Variants in PRKACB observed in about 807,000 individuals in gnomAD.
The protein encoded by PRKACB is cAMP-dependent protein kinase catalytic subunit beta.
PRKACB carries 16 observed loss-of-function variants against 51.4 expected under a neutral mutation model. That is an observed-to-expected ratio of 0.31 (90% CI 0.21 to 0.47). The LOEUF (loss-of-function observed/expected upper bound fraction) is 0.47. Among genes scored for constraint, PRKACB ranks in the 20% least tolerant of loss-of-function variants. The pLI is 1.00. For missense variants in PRKACB, 309 were observed against 464.5 expected (o/e 0.67, Z 3.08); for synonymous variants, 147 against 154.4 (o/e 0.95, Z 0.35).
chr1:84,102,281 G>A (rs1244705047), intron 1 of PRKACB, among the ~76,000 whole-genome samples: 2 of 152,086 alleles, frequency 1.3e-5, no homozygotes, highest in African/African-American at 4.8e-5. Context: ...CAGCTGCTTG[G>A]GAGGCTAAGG....
intron 1 of PRKACB, chr1:84,164,336 G>A: frequency 1.3e-6 from 2 of 1,546,656 alleles, no homozygotes; most frequent in Non-Finnish European, 1.7e-6. Context: ...GAGGTCCACA[G>A]CTAGCAGTAA....
chr1:84,204,929 A>G, intron 8 of PRKACB: 1 of 973,000 alleles, frequency 1.0e-6, no homozygotes, highest in Non-Finnish European at 1.2e-6. Flanking sequence ...ATGAATATAT[A>G]TTCATTTTAT....
At chr1:84,119,481 T>C (rs910247098) in intron 1 of PRKACB, among the ~76,000 whole-genome samples, 10 of 152,126 alleles carry the variant, frequency 6.6e-5, no homozygotes, top group African/African-American at 2.4e-4. Context: ...AGAATGGCAA[T>C]TACACTATTC....
chr1:84,135,494 A>C (rs1557997811), intron 1 of PRKACB, among the ~76,000 whole-genome samples: 1 of 152,162 alleles, frequency 6.6e-6, no homozygotes, highest in Non-Finnish European at 1.5e-5. Flanking sequence ...TCTTCAGCTT[A>C]TAGGAGCATT....
At chr1:84,179,473 C>T (rs1247324982) in intron 2 of PRKACB, among the ~76,000 whole-genome samples, 1 of 151,676 alleles carries the variant, frequency 6.6e-6, no homozygotes, top group East Asian at 1.9e-4. Context: ...AAATTTGATA[C>T]TGATTCCAGT....
chr1:84,175,434 C>T (rs748480508), intron 1 of PRKACB, among the ~76,000 whole-genome samples: 4 of 151,630 alleles, frequency 2.6e-5, no homozygotes, highest in Non-Finnish European at 5.9e-5. Context: ...TGACTAACAA[C>T]ATACTCTTTT....
intron 1 of PRKACB, among the ~76,000 whole-genome samples, chr1:84,123,356 A>G (rs1319554789): frequency 6.6e-6 from 1 of 152,206 alleles, no homozygotes; most frequent in African/African-American, 2.4e-5. Flanking sequence ...GGAGAGTGAT[A>G]TAGAAATGAA....
At chr1:84,148,792 G>A (rs868408556) in intron 1 of PRKACB, among the ~76,000 whole-genome samples, 11 of 152,120 alleles carry the variant, frequency 7.2e-5, no homozygotes, top group African/African-American at 2.2e-4. Flanking sequence ...AAATGATGTT[G>A]AAATCAGGAA....
chr1:84,168,928 G>A (rs539983055), intron 1 of PRKACB, among the ~76,000 whole-genome samples: 112 of 151,636 alleles, frequency 7.4e-4, no homozygotes, highest in Middle Eastern at 6.8e-3. Context: ...GAATCCTATA[G>A]TCCTGGCCAC....
chr1:84,191,666 A>G (rs985668522), intron 5 of PRKACB, among the ~76,000 whole-genome samples: 7 of 152,018 alleles, frequency 4.6e-5, no homozygotes, highest in Non-Finnish European at 8.8e-5. Flanking sequence ...AGTAGACACT[A>G]GGGACTACTA....
At chr1:84,218,533 C>T (rs79927051) in intron 9 of PRKACB, among the ~76,000 whole-genome samples, 2,575 of 152,156 alleles carry the variant, frequency 0.017, 78 homozygotes, top group African/African-American at 0.059. Context: ...ATATATATTA[C>T]ATTTTCTGTA....
At chr1:84,108,465 A>G (rs1051785169) in intron 1 of PRKACB, among the ~76,000 whole-genome samples, 9 of 152,068 alleles carry the variant, frequency 5.9e-5, no homozygotes, top group African/African-American at 1.9e-4. Flanking sequence ...CAACTTGCAC[A>G]TGTACCCCTG....
intron 1 of PRKACB, among the ~76,000 whole-genome samples, chr1:84,112,225 C>CTTTTTTTTT (rs905575496): frequency 2.8e-4 from 34 of 119,964 alleles, no homozygotes; most frequent in Non-Finnish European, 3.1e-4. Flanking sequence ...TGGACTGCTT[C>CTTTTTTTTT]TTTTTTTTTT....
chr1:84,111,587 C>T (rs557905804), intron 1 of PRKACB, among the ~76,000 whole-genome samples: 5 of 151,874 alleles, frequency 3.3e-5, no homozygotes, highest in Non-Finnish European at 7.4e-5. Flanking sequence ...TACATAATTT[C>T]CAACATTTTG....
At chr1:84,138,462 C>G (rs1653049040) in intron 1 of PRKACB, among the ~76,000 whole-genome samples, 1 of 152,178 alleles carries the variant, frequency 6.6e-6, no homozygotes, top group Admixed American at 6.5e-5. Flanking sequence ...TACTAATATT[C>G]ATTCGAGATG....
chr1:84,211,449 T>C (rs1672125841), intron 8 of PRKACB, among the ~76,000 whole-genome samples: 1 of 152,154 alleles, frequency 6.6e-6, no homozygotes, highest in Non-Finnish European at 1.5e-5. Context: ...ATATACCCAC[T>C]GGAAAAATGT....
At chr1:84,191,996 C>T in intron 5 of PRKACB, among the ~76,000 whole-genome samples, 1 of 151,978 alleles carries the variant, frequency 6.6e-6, no homozygotes. Context: ...ACACAGCATA[C>T]AATATATGTA....
In PRKACB at chr1:84,180,183, GATATATATATAT is replaced by G. The variant is rs3051182; in HGVS notation, c.249+960_249+971del. ...ATCAACGAATGGATAAAGAAACTGT[GATATATATATAT>G]ATATATATATATATGTATGATGGAG... On this transcript the variant is annotated intron_variant, in intron 2 of 9. Transcript: ENST00000370685. 7.8e-4 allele frequency among the ~76,000 whole-genome samples: 25 copies of G among 32,060 alleles called. 2 individuals are homozygous for G. The highest frequency in any genetic ancestry group is 1.6e-3 in the South Asian group (1 of 642). The allele number at this position is 32,060 out of a possible 152,430, so 21.0% of individuals were successfully genotyped here. A position where few individuals can be genotyped will look rare whatever the true frequency, so the allele number is the denominator to read the frequency against.
At chr1:84,203,436 A>G (rs1670703100) in intron 8 of PRKACB, among the ~76,000 whole-genome samples, 1 of 151,948 alleles carries the variant, frequency 6.6e-6, no homozygotes, top group South Asian at 2.1e-4. Context: ...TTGCACTTAT[A>G]ACCTCTAATT....
Sources: gnomAD v4.1 joint callset for allele counts (sites outside exome capture counted in the v4.1 genomes callset) on GRCh38, gnomAD v4.1.1 for gene constraint, MANE v1.5 for transcripts, NCBI Gene and HGNC (gene_info 2026-07-23, HGNC 2026-07-21) for gene names.